DOCK5: variants seen among roughly 807,000 people sequenced by gnomAD.
DOCK5 encodes the protein dedicator of cytokinesis 5, also known as dedicator of cytokinesis protein 5.
Under a neutral mutation model 251.8 loss-of-function variants are expected in DOCK5, and 142 were observed. The ratio of observed to expected loss-of-function variants is 0.56; its 90% CI spans 0.49 to 0.65. The LOEUF is 0.65. Among genes scored for constraint, DOCK5 ranks in the 30% least tolerant of loss-of-function variants. The pLI, the probability that DOCK5 is intolerant of heterozygous loss-of-function variation, is 0.00. For missense variants in DOCK5, 2,111 were observed against 2,312.3 expected (o/e 0.91, Z 1.79); for synonymous variants, 842 against 835.5 (o/e 1.01, Z -0.13).
At chr8:25,228,862 G>A (rs555003717) in intron 1 of DOCK5, among the ~76,000 whole-genome samples, 77 of 151,774 alleles carry the variant, frequency 5.1e-4, no homozygotes, top group African/African-American at 1.5e-3. Context: ...TGAACTCTTC[G>A]TAAGATTACT....
intron 1 of DOCK5, among the ~76,000 whole-genome samples, chr8:25,238,256 A>G (rs1192822725): frequency 6.6e-6 from 1 of 152,188 alleles, no homozygotes; most frequent in Non-Finnish European, 1.5e-5. Context: ...TGATGAATAG[A>G]CCAGCTTTAT....
At chr8:25,407,310 G>A (rs1303022355) in intron 48 of DOCK5, among the ~76,000 whole-genome samples, 7 of 151,962 alleles carry the variant, frequency 4.6e-5, no homozygotes, top group African/African-American at 1.5e-4. Context: ...TATGTAGTTT[G>A]TGGGTAGGAT....
Position 25,210,041 on chromosome 8 carries a change from TGTGTG to T in DOCK5, c.43+25091_43+25095del, listed in dbSNP as rs1563309180. Among the ~76,000 whole-genome samples, 20 of 17,320 alleles carry T rather than the reference TGTGTG, an allele frequency of 1.2e-3. 3 individuals are homozygous for T. Among genetic ancestry groups the T allele is most frequent in the African/African-American group, 5.0e-3 (18 of 3,586 alleles). The allele number at this position is 17,320 out of a possible 152,430, so 11.4% of individuals were successfully genotyped here. Reference sequence around the variant, plus strand: ...ATATATATATATATATATAAATGTGTGTGTGTGTGTGTGTGTGTGTGTGTGTGTAT... The same window carrying T: ...ATATATATATATATATATAAATGTGTTGTGTGTGTGTGTGTGTGTGTGTAT... On this transcript the variant is annotated intron_variant, in intron 1 of 51. Transcript: ENST00000276440.
At chr8:25,377,875 C>A (rs1378478990) in intron 38 of DOCK5, among the ~76,000 whole-genome samples, 1 of 151,664 alleles carries the variant, frequency 6.6e-6, no homozygotes, top group East Asian at 1.9e-4. Flanking sequence ...GAAGCTCACC[C>A]AAGCCATGGG....
At chr8:25,218,372 G>C (rs889704340) in intron 1 of DOCK5, among the ~76,000 whole-genome samples, 1 of 152,170 alleles carries the variant, frequency 6.6e-6, no homozygotes, top group African/African-American at 2.4e-5. Context: ...GCAGAGCTCA[G>C]CTTCTGTCCT....
chr8:25,223,156 TA>T (rs895255193), intron 1 of DOCK5, among the ~76,000 whole-genome samples: 6 of 152,102 alleles, frequency 3.9e-5, no homozygotes, highest in African/African-American at 1.4e-4. Context: ...TGAAGGTTTT[TA>T]AAAAAAATTT....
Position 25,375,004 on chromosome 8 carries a change from A to G in DOCK5, c.3816+350A>G. On this transcript the variant is annotated intron_variant, in intron 37 of 51. Transcript: ENST00000276440. ...GAGTTATAAGTGAATATAGTACCATAGAAGTACTCTATTTTTATTCTCTCC... is the reference window on the plus strand; with the variant it reads ...GAGTTATAAGTGAATATAGTACCATGGAAGTACTCTATTTTTATTCTCTCC... 12 of 1,125,804 alleles carry G rather than the reference A, an allele frequency of 1.1e-5. No homozygotes were observed. In the South Asian group the frequency reaches 1.1e-4, roughly 11 times the overall value. The allele number at this position is 1,125,804 out of a possible 1,614,324, so 69.7% of individuals were successfully genotyped here. A position where few individuals can be genotyped will look rare whatever the true frequency, so the allele number is the denominator to read the frequency against.
At chr8:25,383,698 T>C (rs924607998) in intron 40 of DOCK5, among the ~76,000 whole-genome samples, 1 of 151,898 alleles carries the variant, frequency 6.6e-6, no homozygotes, top group Non-Finnish European at 1.5e-5. Flanking sequence ...CTACTAAAAG[T>C]ACAAAAATTA....
intron 5 of DOCK5, among the ~76,000 whole-genome samples, chr8:25,291,030 A>C (rs1345995620): frequency 6.6e-6 from 1 of 152,192 alleles, no homozygotes; most frequent in Non-Finnish European, 1.5e-5. Context: ...AGAGAAATGG[A>C]TGTGACTTTG....
intron 1 of DOCK5, among the ~76,000 whole-genome samples, chr8:25,197,571 T>TAG (rs1371969268): frequency 1.1e-4 from 9 of 81,672 alleles, no homozygotes; most frequent in African/African-American, 3.1e-4. Flanking sequence ...GATCGTGTCT[T>TAG]TGTCTTTTTT....
At chr8:25,278,720 T>C in intron 5 of DOCK5, 55 bp downstream of exon 5, 1 of 1,534,694 alleles carries the variant, frequency 6.5e-7, no homozygotes, top group African/African-American at 1.4e-5. Context: ...CCTCAGCCTG[T>C]AGGTCCTTTG....
chr8:25,321,875 C>G (rs1805434197), intron 16 of DOCK5, among the ~76,000 whole-genome samples: 1 of 152,144 alleles, frequency 6.6e-6, no homozygotes, highest in Non-Finnish European at 1.5e-5. Flanking sequence ...TACATTGTAT[C>G]TCCCTCCTAG....
At chr8:25,298,659 G>A (rs561412508) in intron 7 of DOCK5, among the ~76,000 whole-genome samples, 3 of 151,874 alleles carry the variant, frequency 2.0e-5, no homozygotes, top group Non-Finnish European at 4.4e-5. Context: ...GGAGTTCAGT[G>A]ACTCCATCAT....
At chr8:25,387,702 T>A (rs1801188542) in intron 40 of DOCK5, among the ~76,000 whole-genome samples, 1 of 152,192 alleles carries the variant, frequency 6.6e-6, no homozygotes, top group African/African-American at 2.4e-5. Context: ...CAGTCCAAGC[T>A]CATTTCTTCT....
chr8:25,297,798 G>A (rs1804654749), intron 7 of DOCK5, among the ~76,000 whole-genome samples: 1 of 152,130 alleles, frequency 6.6e-6, no homozygotes, highest in Admixed American at 6.6e-5. Context: ...TATAATCCTA[G>A]CCCTTTGGGA....
intron 41 of DOCK5, 109 bp from the exon 42 acceptor site, chr8:25,390,097 T>G: frequency 1.3e-6 from 1 of 777,342 alleles, no homozygotes; most frequent in Admixed American, 3.1e-5. Flanking sequence ...TCAAAGGGAG[T>G]GATTGGTGCT....
intron 37 of DOCK5, among the ~76,000 whole-genome samples, chr8:25,377,090 G>A (rs575917837): frequency 3.3e-5 from 5 of 152,220 alleles, no homozygotes; most frequent in African/African-American, 7.2e-5. Flanking sequence ...CTTTGTCGCT[G>A]GCATTTTGGG....
Position 25,353,089 on chromosome 8 carries a change from C to G in DOCK5, c.2850+1263C>G, listed in dbSNP as rs921685496. ...TAAAGAGAAACGATTGCAAGTAAAA[C>G]TGTCTTTCTGCTGGATTAAAACCCA... is the stretch of plus-strand genomic sequence containing the variant. On this transcript the variant is annotated intron_variant, in intron 27 of 51. Transcript: ENST00000276440. Among the ~76,000 whole-genome samples, 3 of 152,280 alleles carry G rather than the reference C, an allele frequency of 2.0e-5. No homozygotes were observed. In the East Asian group the frequency reaches 5.8e-4, roughly 29 times the overall value.
At chr8:25,342,084 C>A (rs1287692013) in intron 24 of DOCK5, among the ~76,000 whole-genome samples, 1 of 152,068 alleles carries the variant, frequency 6.6e-6, no homozygotes, top group East Asian at 1.9e-4. Flanking sequence ...CCTAAGTATC[C>A]CAGCAGTGCA....
Sources: allele counts gnomAD v4.1 joint callset (sites outside exome capture counted in the v4.1 genomes callset), GRCh38; gene constraint gnomAD v4.1.1; transcripts MANE v1.5; gene names NCBI Gene and HGNC (gene_info 2026-07-23, HGNC 2026-07-21).